Variants in ARHGAP24 observed in about 807,000 individuals in gnomAD.
The protein encoded by ARHGAP24 is rho GTPase-activating protein 24.
ARHGAP24 carries 50 observed loss-of-function variants against 76.4 expected under a neutral mutation model. The observed-to-expected ratio is 0.65, with a 90% confidence interval of 0.52 to 0.83. ARHGAP24 has a LOEUF of 0.83. Among genes scored for constraint, ARHGAP24 ranks in the 40% least tolerant of loss-of-function variants. The probability of loss-of-function intolerance (pLI) is 0.00; values close to 1 mark genes in which losing one functional copy is unlikely to be tolerated. For synonymous variants in ARHGAP24, 345 were observed against 323.3 expected (o/e 1.07, Z -0.72); for missense variants, 930 against 914.2 (o/e 1.02, Z -0.22).
intron 9 of ARHGAP24, among the ~76,000 whole-genome samples, chr4:85,997,371 TA>T (rs1740732089): frequency 6.8e-6 from 1 of 147,522 alleles, no homozygotes; most frequent in Admixed American, 6.7e-5. Context: ...AGATGATAGA[TA>T]TAGATAGATA....
At chr4:85,816,447 A>T (rs995458210) in intron 3 of ARHGAP24, among the ~76,000 whole-genome samples, 1 of 152,108 alleles carries the variant, frequency 6.6e-6, no homozygotes. Flanking sequence ...CCCAAGTTTC[A>T]TTCATGTTTT....
chr4:85,661,561 C>G (rs887464163), intron 2 of ARHGAP24, among the ~76,000 whole-genome samples: 2 of 151,820 alleles, frequency 1.3e-5, no homozygotes, highest in African/African-American at 4.9e-5. Flanking sequence ...TACATGTGCA[C>G]ATTGTGCAGG....
intron 3 of ARHGAP24, among the ~76,000 whole-genome samples, chr4:85,917,516 T>G (rs917836021): frequency 3.9e-5 from 6 of 152,098 alleles, no homozygotes; most frequent in African/African-American, 7.2e-5. Context: ...TGAACTAGTT[T>G]ACAGTCCCAC....
At chr4:85,641,822 C>T (rs1721532654) in intron 2 of ARHGAP24, among the ~76,000 whole-genome samples, 1 of 152,184 alleles carries the variant, frequency 6.6e-6, no homozygotes, top group Non-Finnish European at 1.5e-5. Flanking sequence ...CTGGCACACT[C>T]CACCCTCCAG....
intron 3 of ARHGAP24, among the ~76,000 whole-genome samples, chr4:85,768,394 A>G (rs1465617703): frequency 6.6e-6 from 1 of 152,178 alleles, no homozygotes; most frequent in Admixed American, 6.5e-5. Context: ...TTCTGAGTTG[A>G]GCAGGCAAAT....
chr4:85,533,301 AG>A (rs1725342227), intron 1 of ARHGAP24, among the ~76,000 whole-genome samples: 1 of 152,220 alleles, frequency 6.6e-6, no homozygotes, highest in Non-Finnish European at 1.5e-5. Context: ...TTGTCCATAA[AG>A]AAATCTCCTA....
chr4:85,670,468 C>T (rs1488952102), intron 2 of ARHGAP24, among the ~76,000 whole-genome samples: 2 of 152,158 alleles, frequency 1.3e-5, no homozygotes, highest in African/African-American at 4.8e-5. Flanking sequence ...TTCTCAATCT[C>T]CTACATAATT....
intron 2 of ARHGAP24, among the ~76,000 whole-genome samples, chr4:85,681,871 T>C (rs1462272462): frequency 2.0e-5 from 3 of 152,240 alleles, no homozygotes; most frequent in Non-Finnish European, 4.4e-5. Context: ...TATCACAGGC[T>C]AAAATGTATT....
At chr4:85,570,904 G>T in intron 2 of ARHGAP24, 183 bp downstream of exon 2, 1 of 627,386 alleles carries the variant, frequency 1.6e-6, no homozygotes, top group South Asian at 2.2e-5. Flanking sequence ...GCTAATTGAG[G>T]CCAAGAGGCA....
chr4:85,593,722 A>G (rs1224022884), intron 2 of ARHGAP24, among the ~76,000 whole-genome samples: 5 of 152,028 alleles, frequency 3.3e-5, no homozygotes, highest in Admixed American at 6.6e-5. Flanking sequence ...CCTTTCCCCA[A>G]TGTATGTTCT....
At chr4:85,993,728 G>T (rs927260246) in intron 8 of ARHGAP24, among the ~76,000 whole-genome samples, 4 of 152,168 alleles carry the variant, frequency 2.6e-5, no homozygotes, top group African/African-American at 9.7e-5. Flanking sequence ...TCCAGTGGCT[G>T]CCAGATAGCT....
At chr4:85,590,615 C>A (rs934562072) in intron 2 of ARHGAP24, among the ~76,000 whole-genome samples, 1 of 152,072 alleles carries the variant, frequency 6.6e-6, no homozygotes, top group Non-Finnish European at 1.5e-5. Context: ...CTGCCTTGGC[C>A]TCCCAAAGTG....
intron 1 of ARHGAP24, among the ~76,000 whole-genome samples, chr4:85,561,667 CT>C: frequency 6.6e-6 from 1 of 152,252 alleles, no homozygotes; most frequent in African/African-American, 2.4e-5. Context: ...CTTTAGCTAT[CT>C]GGTATATTTT....
At chr4:85,852,921 A>G (rs968132535) in intron 3 of ARHGAP24, among the ~76,000 whole-genome samples, 4 of 152,202 alleles carry the variant, frequency 2.6e-5, no homozygotes, top group African/African-American at 9.6e-5. Flanking sequence ...GTTAGGCTAC[A>G]CGGGGGTCAG....
intron 5 of ARHGAP24, among the ~76,000 whole-genome samples, chr4:85,971,590 C>T (rs1277198112): frequency 6.6e-6 from 1 of 152,128 alleles, no homozygotes; most frequent in Non-Finnish European, 1.5e-5. Context: ...TATGCATCAT[C>T]TCAAGCAGTC....
intron 3 of ARHGAP24, among the ~76,000 whole-genome samples, chr4:85,868,030 CAT>C (rs1166842030): frequency 6.6e-6 from 1 of 151,692 alleles, no homozygotes; most frequent in Non-Finnish European, 1.5e-5. Flanking sequence ...GTCCTAAGAA[CAT>C]GTGCTCAAAG....
At chr4:85,902,955 T>C (rs1289328239) in intron 3 of ARHGAP24, among the ~76,000 whole-genome samples, 3 of 152,242 alleles carry the variant, frequency 2.0e-5, no homozygotes, top group Non-Finnish European at 4.4e-5. Context: ...AAGTTACTAG[T>C]TGAAGTTAAC....
intron 3 of ARHGAP24, among the ~76,000 whole-genome samples, chr4:85,811,511 A>C (rs1729010897): frequency 6.6e-6 from 1 of 152,184 alleles, no homozygotes; most frequent in African/African-American, 2.4e-5. Flanking sequence ...GCTTACATTC[A>C]TGATACCTCA....
chr4:85,963,465 T>A (rs1738382163), intron 5 of ARHGAP24, among the ~76,000 whole-genome samples: 1 of 152,118 alleles, frequency 6.6e-6, no homozygotes, highest in African/African-American at 2.4e-5. Flanking sequence ...ACTGAATGCA[T>A]ATGTTGTACA....
Sources: allele counts gnomAD v4.1 joint callset (sites outside exome capture counted in the v4.1 genomes callset), GRCh38; gene constraint gnomAD v4.1.1; transcripts MANE v1.5; gene names NCBI Gene and HGNC (gene_info 2026-07-23, HGNC 2026-07-21).